The following BRIP1 variants were observed in gnomAD, a reference collection of about 807,000 sequenced individuals.
The protein encoded by BRIP1 is BRCA1 interacting DNA helicase 1.
Under a neutral mutation model 119.7 loss-of-function variants are expected in BRIP1, and 88 were observed. The observed-to-expected ratio is 0.74, with a 90% CI of 0.62 to 0.88. BRIP1 has a LOEUF of 0.88. BRIP1 is among the 40% of genes least tolerant of loss of function. The pLI is 0.00. For missense variants in BRIP1, 1,259 were observed against 1,455.4 expected, an observed-to-expected ratio of 0.87 and a Z score of 2.20; for synonymous variants, 443 against 496.5, an observed-to-expected ratio of 0.89 and a Z score of 1.43.
intron 17 of BRIP1, among the ~76,000 whole-genome samples, chr17:61,712,736 T>G (rs1417220623): frequency 6.6e-6 from 1 of 151,838 alleles, no homozygotes; most frequent in African/African-American, 2.4e-5. Flanking sequence ...AAACCCCATC[T>G]CTACTAAGAA....
intron 8 of BRIP1, among the ~76,000 whole-genome samples, chr17:61,800,861 GCAAA>G (rs1254752702): frequency 1.3e-5 from 2 of 152,076 alleles, no homozygotes. Flanking sequence ...AAAGAACCAG[GCAAA>G]CAAACACAAA....
At chr17:61,820,697 C>T (rs2078307229) in intron 6 of BRIP1, among the ~76,000 whole-genome samples, 1 of 152,170 alleles carries the variant, frequency 6.6e-6, no homozygotes, top group African/African-American at 2.4e-5. Flanking sequence ...CGCCTGTAAT[C>T]CCAACACTTT....
rs1388746030 is a variant in BRIP1, at chr17:61,705,577, C to T, written c.2492+10374G>A. On this transcript the variant is annotated intron_variant, in intron 17 of 19. Transcript: ENST00000259008. This position sits in a 1 kb window ranked among gnomAD's most constrained non-coding sequence, Gnocchi z 5.0. ...CAATTTATACTTGTTTTTATTACTC[C>T]TTTTTTTCCTGTTTGCCTCACATTT... Among the ~76,000 whole-genome samples, 3 of 151,976 alleles carry T rather than the reference C, an allele frequency of 2.0e-5. No homozygotes were observed. The highest frequency in any genetic ancestry group is 4.4e-5 in the Non-Finnish European group (3 of 67,970).
intron 17 of BRIP1, among the ~76,000 whole-genome samples, chr17:61,698,449 G>GTA (rs1189430279): frequency 5.9e-5 from 9 of 152,130 alleles, no homozygotes; most frequent in Non-Finnish European, 1.3e-4. Flanking sequence ...AGCAGAATGC[G>GTA]TATTTTCCTG....
chr17:61,735,097 A>C lies in BRIP1; in HGVS notation c.2379+7916T>G, dbSNP rs1418786251. On this transcript the variant is annotated intron_variant, in intron 16 of 19. Transcript: ENST00000259008. This position sits in a 1 kb window ranked among gnomAD's most constrained non-coding sequence, Gnocchi z 4.4. The stretch of plus-strand genomic sequence containing the variant: ...AGTTTTAGTTTTGGAAGAGCCATCT[A>C]TGTAGGTCATTTAGATCATCATCTC... Among the ~76,000 whole-genome samples, 1 of 152,144 alleles carries C rather than the reference A, an allele frequency of 6.6e-6. No homozygotes were observed. Among genetic ancestry groups the C allele is most frequent in the Non-Finnish European group, 1.5e-5 (1 of 68,014 alleles).
At position 61,776,324 on chromosome 17, in the gene BRIP1, A is replaced by G. The variant is rs567077296; in HGVS notation, c.2097+77T>C. On this transcript the variant is annotated intron_variant, in intron 14 of 19. Coordinates refer to ENST00000259008, the MANE Select transcript of BRIP1 (RefSeq NM_032043.3). This position sits in a 1 kb window ranked among gnomAD's most constrained non-coding sequence, Gnocchi z 5.0. The stretch of plus-strand genomic sequence containing the variant: ...CTACCCTAGGAAGCTTACTGTGGTA[A>G]TTTTAAAATTAGCATGCCAATGTTT... 1.9e-6 allele frequency: 3 copies of G among 1,550,424 alleles called. No individual in the cohort carries two copies.
In BRIP1 at chr17:61,823,258, AAT is replaced by A. The variant is rs2078353003; in HGVS notation, c.628-14503_628-14502del. ...TAAAGAAACAATAAATGTCCTTAAA[AAT>A]ATGATTGTATGGCCTTCTGCTTTTA... is the stretch of plus-strand genomic sequence containing the variant. On this transcript the variant is annotated intron_variant, in intron 6 of 19. Transcript: ENST00000259008. This position sits in a 1 kb window ranked among gnomAD's most constrained non-coding sequence, Gnocchi z 4.8. 6.6e-6 allele frequency among the ~76,000 whole-genome samples: 1 copy of A among 152,238 alleles called. No individual in the cohort carries two copies. The highest frequency in any genetic ancestry group is 1.5e-5 in the Non-Finnish European group (1 of 68,034).
rs895599161 is a variant in BRIP1 at position 61,796,489 on chromosome 17, C to T, written c.1340+2611G>A. 6.6e-6 allele frequency among the ~76,000 whole-genome samples: 1 copy of T among 151,964 alleles called. No homozygotes were observed. The highest frequency in any genetic ancestry group is 1.5e-5 in the Non-Finnish European group (1 of 67,950). Reference sequence around the variant, plus strand: ...CCTGTAGATGGATATCCAGTTTTCCCGGCACCATTTATTGAAGAGACTGTC... The same window carrying T: ...CCTGTAGATGGATATCCAGTTTTCCTGGCACCATTTATTGAAGAGACTGTC... On this transcript the variant is annotated intron_variant, in intron 9 of 19. Coordinates refer to ENST00000259008, the MANE Select transcript of BRIP1 (RefSeq NM_032043.3). This position sits in a 1 kb window ranked among gnomAD's most constrained non-coding sequence, Gnocchi z 4.8.
At position 61,682,473 on chromosome 17, in the gene BRIP1, T is replaced by C. The variant is rs2061282867; in HGVS notation, c.*823A>G. ...TGTTTATGACATGTTTGGTTTTAGGTTTATTATACAAAGAATGTAAAACAA... is the reference window on the plus strand; with the variant it reads ...TGTTTATGACATGTTTGGTTTTAGGCTTATTATACAAAGAATGTAAAACAA... On this transcript the variant is annotated 3_prime_UTR_variant, in exon 20 of 20. Coordinates refer to ENST00000259008, the MANE Select transcript of BRIP1 (RefSeq NM_032043.3). This position sits in a 1 kb window ranked among gnomAD's most constrained non-coding sequence, Gnocchi z 4.9. 1 of 202,490 alleles carries C rather than the reference T, an allele frequency of 4.9e-6. No individual in the cohort carries two copies. Among genetic ancestry groups the C allele is most frequent in the Non-Finnish European group, 1.0e-5 (1 of 98,638 alleles). The allele number at this position is 202,490 out of a possible 1,614,324, so 12.5% of individuals were successfully genotyped here.
chr17:61,820,962 AG>A (rs58447370), intron 6 of BRIP1, among the ~76,000 whole-genome samples: 3,547 of 147,252 alleles, frequency 0.024, 111 homozygotes, highest in East Asian at 0.09. Context: ...AAAAAAAAAA[AG>A]AAAGAAAGAA....
At position 61,831,802 on chromosome 17, in the gene BRIP1, T is replaced by A. The variant is rs1057454162; in HGVS notation, c.627+15299A>T. 2.0e-5 allele frequency among the ~76,000 whole-genome samples: 3 copies of A among 152,082 alleles called. No individual in the cohort carries two copies. The highest frequency in any genetic ancestry group is 4.8e-5 in the African/African-American group (2 of 41,410). On this transcript the variant is annotated intron_variant, in intron 6 of 19. Coordinates refer to ENST00000259008, the MANE Select transcript of BRIP1 (RefSeq NM_032043.3). This position sits in a 1 kb window ranked among gnomAD's most constrained non-coding sequence, Gnocchi z 4.1. Reference sequence around the variant, plus strand: ...ATTCTGTTTTTAACTTTCAGAGGAATCAGGAACAAGGTTTTTCAGTTAAAC... The same window carrying A: ...ATTCTGTTTTTAACTTTCAGAGGAAACAGGAACAAGGTTTTTCAGTTAAAC...
intron 5 of BRIP1, 85 bp from the exon 6 acceptor site, chr17:61,847,305 G>A (rs2145746564): frequency 6.8e-7 from 1 of 1,463,704 alleles, no homozygotes; most frequent in South Asian, 1.2e-5. Context: ...ACAGCTCTAT[G>A]TATTTTTTTC....
rs2076826350 is a variant in BRIP1 at position 61,730,196 on chromosome 17, T to C, written c.2379+12817A>G. 1.3e-5 allele frequency among the ~76,000 whole-genome samples: 2 copies of C among 152,096 alleles called. No individual in the cohort carries two copies. The highest frequency in any genetic ancestry group is 4.8e-5 in the African/African-American group (2 of 41,402). On this transcript the variant is annotated intron_variant, in intron 16 of 19. Transcript: ENST00000259008. This position sits in a 1 kb window ranked among gnomAD's most constrained non-coding sequence, Gnocchi z 4.3. The stretch of plus-strand genomic sequence containing the variant: ...TAGGGAAAAACAGGAAAGAGTGATG[T>C]TGTAAACATGGAACAGCAATATCTA...
At chr17:61,839,243 T>C (rs2078623347) in intron 6 of BRIP1, among the ~76,000 whole-genome samples, 1 of 151,940 alleles carries the variant, frequency 6.6e-6, no homozygotes. Context: ...TTACTAAAAA[T>C]TTACTTAACA....
chr17:61,773,070 A>C (rs944812588), intron 14 of BRIP1, among the ~76,000 whole-genome samples: 7 of 152,006 alleles, frequency 4.6e-5, no homozygotes, highest in African/African-American at 1.7e-4. Context: ...AAAGAAATTA[A>C]AGAATTTAAT....
Position 61,735,789 on chromosome 17 carries a change from A to G in BRIP1, c.2379+7224T>C, listed in dbSNP as rs562443721. On this transcript the variant is annotated intron_variant, in intron 16 of 19. Transcript: ENST00000259008. This position sits in a 1 kb window ranked among gnomAD's most constrained non-coding sequence, Gnocchi z 4.4. Reference sequence around the variant, plus strand: ...GCACTCTAGCCTGGGCAATGGAGTGAGACCCTGTTTTCAAAAAAATTTAAA... The same window carrying G: ...GCACTCTAGCCTGGGCAATGGAGTGGGACCCTGTTTTCAAAAAAATTTAAA... Among the ~76,000 whole-genome samples, 11 of 152,120 alleles carry G rather than the reference A, an allele frequency of 7.2e-5. No homozygotes were observed. The highest frequency in any genetic ancestry group is 2.4e-4 in the African/African-American group (10 of 41,502).
Position 61,780,790 on chromosome 17 carries a change from T to C in BRIP1, c.1794+50A>G, listed in dbSNP as rs757143774. On this transcript the variant is annotated intron_variant, in intron 12 of 19. Coordinates refer to ENST00000259008, the MANE Select transcript of BRIP1 (RefSeq NM_032043.3). The surrounding 1 kb of genome is among the most constrained non-coding windows in gnomAD (Gnocchi z 5.4). Reference sequence around the variant, plus strand: ...AAAGAGTCAACCACATTTATTAAAATGCTGGTACTGAGCAAGAAGACAAAA... The same window carrying C: ...AAAGAGTCAACCACATTTATTAAAACGCTGGTACTGAGCAAGAAGACAAAA... The C allele has an allele frequency of 6.5e-7, 1 of 1,545,822 alleles. No homozygotes were observed. The highest frequency in any genetic ancestry group is 1.4e-5 in the African/African-American group (1 of 73,326).
chr17:61,779,612 C>A (rs552131620), intron 13 of BRIP1, among the ~76,000 whole-genome samples: 5 of 151,380 alleles, frequency 3.3e-5, no homozygotes, highest in African/African-American at 9.7e-5. Context: ...AGAGCAAAAC[C>A]TTGTCTCAAA....
rs1060501738 is a variant in BRIP1, at chr17:61,849,137, T to C, written c.499A>G (p.Thr167Ala). Reference protein sequence around the residue: ...EKKRIRPLETTQQIRKRHCFG... With the variant: ...EKKRIRPLETAQQIRKRHCFG... The stretch of plus-strand genomic sequence containing the variant: ...CAATAAACTCTGTTTACCTGCTGTG[T>C]AGTTTCTAAGGGTCGAATTCTTTTC... Residue 167 changes from threonine (T) to alanine (A), a missense_variant, in exon 5 of 20, where the codon ACA becomes GCA. Physicochemically the swap from Thr to Ala is moderately conservative, Grantham distance 58. Around this residue, in one of 3 missense-constraint regions of BRIP1, gnomAD observed 501 missense variants for 544.0 expected, o/e 0.92. Coordinates refer to ENST00000259008, the MANE Select transcript of BRIP1 (RefSeq NM_032043.3). 2 of 1,613,694 alleles carry C rather than the reference T, an allele frequency of 1.2e-6. No individual in the cohort carries two copies. Among genetic ancestry groups the C allele is most frequent in the Non-Finnish European group, 8.5e-7 (1 of 1,179,738 alleles).
Sources: allele counts gnomAD v4.1 joint callset (sites outside exome capture counted in the v4.1 genomes callset), GRCh38; gene constraint gnomAD v4.1.1; regional missense constraint gnomAD v4.1.1; non-coding constraint Gnocchi (gnomAD v3.1); transcripts MANE v1.5; gene names NCBI Gene and HGNC (gene_info 2026-07-23, HGNC 2026-07-21).